The following MACROD2 variants were observed in gnomAD, a reference collection of about 807,000 sequenced individuals.
MACROD2 encodes mono-ADP ribosylhydrolase 2, also known as ADP-ribose glycohydrolase MACROD2.
MACROD2 carries 36 observed loss-of-function variants against 70.4 expected under a neutral mutation model. That is an observed-to-expected ratio of 0.51 (90% CI 0.39 to 0.68). The LOEUF (loss-of-function observed/expected upper bound fraction) is 0.68. MACROD2 is among the 30% of genes least tolerant of loss of function. The pLI, the probability that MACROD2 is intolerant of heterozygous loss-of-function variation, is 0.00. For synonymous variants in MACROD2, 172 were observed against 178.8 expected (o/e 0.96, Z 0.30); for missense variants, 496 against 538.4 (o/e 0.92, Z 0.78).
chr20:15,655,105 A>ATGTG (rs561197461), intron 8 of MACROD2, among the ~76,000 whole-genome samples: 7 of 151,516 alleles, frequency 4.6e-5, no homozygotes, highest in Middle Eastern at 3.4e-3. Flanking sequence ...GAAAAATACA[A>ATGTG]TGTGTGTGTG....
rs866465863 is a variant in MACROD2, at chr20:15,636,094, A to G, written c.645+136247A>G. ...CTCAAAAGAAAAAAAAAAAAAAAAG[A>G]AAGAAAAGAAAAGAAAAAAGAAAAG... is the stretch of plus-strand genomic sequence containing the variant. On this transcript the variant is annotated intron_variant, in intron 8 of 17. Transcript: ENST00000684519. Among the ~76,000 whole-genome samples the G allele has an allele frequency of 3.1e-4, 43 of 138,768 alleles. 1 individual carries two copies. The South Asian group carries it at 9.2e-3, about 30-fold the overall frequency. The allele number at this position is 138,768 out of a possible 152,430, so 91.0% of individuals were successfully genotyped here.
intron 5 of MACROD2, among the ~76,000 whole-genome samples, chr20:14,695,119 C>CA (rs1278902917): frequency 6.6e-6 from 1 of 151,858 alleles, no homozygotes; most frequent in Middle Eastern, 3.2e-3. Context: ...ACTTGATGGC[C>CA]AAAAAAAGCA....
chr20:16,012,776 C>A (rs559776173), intron 15 of MACROD2, among the ~76,000 whole-genome samples: 1 of 152,088 alleles, frequency 6.6e-6, no homozygotes, highest in Non-Finnish European at 1.5e-5. Flanking sequence ...TGGGAGAGCA[C>A]GTGTGACAGA....
At chr20:15,546,700 C>T (rs964858503) in intron 8 of MACROD2, among the ~76,000 whole-genome samples, 1 of 152,176 alleles carries the variant, frequency 6.6e-6, no homozygotes, top group African/African-American at 2.4e-5. Flanking sequence ...TTGAAACATG[C>T]TTCCTTTTGA....
intron 4 of MACROD2, among the ~76,000 whole-genome samples, chr20:14,644,126 C>T (rs986934790): frequency 1.3e-5 from 2 of 152,114 alleles, no homozygotes; most frequent in African/African-American, 4.8e-5. Flanking sequence ...ATAATTAAAA[C>T]TGACTGCTTT....
chr20:14,441,454 A>G (rs1322963511), intron 3 of MACROD2, among the ~76,000 whole-genome samples: 2 of 152,220 alleles, frequency 1.3e-5, no homozygotes, highest in African/African-American at 2.4e-5. Context: ...GTAGTTTGTT[A>G]TACAGCAGTG....
chr20:15,171,526 G>C (rs765808896), intron 5 of MACROD2, among the ~76,000 whole-genome samples: 1 of 151,566 alleles, frequency 6.6e-6, no homozygotes. Flanking sequence ...GCTCTTTGTA[G>C]TATTAGAATC....
At chr20:14,665,706 CAA>C (rs1359340351) in intron 4 of MACROD2, among the ~76,000 whole-genome samples, 1 of 151,858 alleles carries the variant, frequency 6.6e-6, no homozygotes. Flanking sequence ...TTTTTTTCCT[CAA>C]CCTATCTTTA....
At chr20:15,547,107 A>AC (rs2048035392) in intron 8 of MACROD2, among the ~76,000 whole-genome samples, 1 of 152,158 alleles carries the variant, frequency 6.6e-6, no homozygotes, top group African/African-American at 2.4e-5. Flanking sequence ...CAAAGTCTCC[A>AC]CCACCCAAGG....
chr20:15,108,166 T>G (rs2075926476), intron 5 of MACROD2, among the ~76,000 whole-genome samples: 1 of 152,128 alleles, frequency 6.6e-6, no homozygotes, highest in African/African-American at 2.4e-5. Context: ...CTTCCCAGTG[T>G]GCTTCCTGTT....
intron 5 of MACROD2, among the ~76,000 whole-genome samples, chr20:15,096,733 A>G (rs1485062771): frequency 1.3e-5 from 2 of 150,970 alleles, no homozygotes; most frequent in African/African-American, 2.4e-5. Flanking sequence ...GCTGGTCTGG[A>G]GCTCCTGACG....
At chr20:14,457,117 T>C (rs2084312887) in intron 3 of MACROD2, among the ~76,000 whole-genome samples, 1 of 151,966 alleles carries the variant, frequency 6.6e-6, no homozygotes, top group Admixed American at 6.6e-5. Context: ...AAGGTATCAT[T>C]ATAGCATCAG....
intron 3 of MACROD2, among the ~76,000 whole-genome samples, chr20:14,321,665 T>A (rs948473331): frequency 1.3e-5 from 2 of 152,206 alleles, no homozygotes; most frequent in African/African-American, 2.4e-5. Context: ...TCAGATGCTT[T>A]AGGGCATGTA....
chr20:15,537,660 G>T (rs1038956272), intron 8 of MACROD2, among the ~76,000 whole-genome samples: 7 of 151,898 alleles, frequency 4.6e-5, no homozygotes, highest in African/African-American at 1.7e-4. Context: ...TTTTAATAGA[G>T]ACAGGGTTTC....
At chr20:15,822,644 A>G (rs2063951513) in intron 8 of MACROD2, among the ~76,000 whole-genome samples, 2 of 151,700 alleles carry the variant, frequency 1.3e-5, no homozygotes, top group Non-Finnish European at 2.9e-5. Context: ...AATAACTTTA[A>G]TTTCACTAAA....
chr20:14,004,347 G>C (rs954871138), intron 2 of MACROD2, among the ~76,000 whole-genome samples: 31 of 152,162 alleles, frequency 2.0e-4, no homozygotes, highest in African/African-American at 7.0e-4. Flanking sequence ...GGTTACAACT[G>C]CTCTGTGTGT....
At position 15,144,330 on chromosome 20, in the gene MACROD2, T is replaced by C. The variant is rs1461006343; in HGVS notation, c.419-85610T>C. On this transcript the variant is annotated intron_variant, in intron 5 of 17. Transcript: ENST00000684519. ...GCACATGTAGACTATAATTTGTTCA[T>C]GTCAGGATAGTGTGATGGGTTTACT... 3.3e-5 allele frequency among the ~76,000 whole-genome samples: 5 copies of C among 152,298 alleles called. No individual in the cohort carries two copies. The East Asian group carries it at 9.7e-4, about 29-fold the overall frequency.
intron 4 of MACROD2, among the ~76,000 whole-genome samples, chr20:14,532,986 G>C (rs1374818467): frequency 6.6e-6 from 1 of 152,128 alleles, no homozygotes; most frequent in Non-Finnish European, 1.5e-5. Flanking sequence ...GTTTTGGACT[G>C]AGCTCCTGCA....
At chr20:14,372,485 G>A (rs2083334359) in intron 3 of MACROD2, among the ~76,000 whole-genome samples, 1 of 151,938 alleles carries the variant, frequency 6.6e-6, no homozygotes, top group South Asian at 2.1e-4. Flanking sequence ...TGTCTTTTTA[G>A]TGGTATATTT....
Sources: gnomAD v4.1 joint callset for allele counts (sites outside exome capture counted in the v4.1 genomes callset) on GRCh38, gnomAD v4.1.1 for gene constraint, MANE v1.5 for transcripts, NCBI Gene and HGNC (gene_info 2026-07-23, HGNC 2026-07-21) for gene names.